The following NEGR1 variants were observed in gnomAD, a reference collection of about 807,000 sequenced individuals.
The protein encoded by NEGR1 is neuronal growth regulator 1, also known as IgLON family member 4.
In NEGR1, 10 loss-of-function variants were observed where a neutral mutation model predicts 40.9. The ratio of observed to expected loss-of-function variants is 0.24; its 90% CI spans 0.15 to 0.42. The LOEUF is 0.42. Among genes scored for constraint, NEGR1 ranks in the 10% least tolerant of loss-of-function variants. The pLI is 1.00. For missense variants in NEGR1, 352 were observed against 438.9 expected, an observed-to-expected ratio of 0.80 and a Z score of 1.77; for synonymous variants, 185 against 166.8, an observed-to-expected ratio of 1.11 and a Z score of -0.84.
intron 1 of NEGR1, among the ~76,000 whole-genome samples, chr1:72,056,340 A>C (rs186118693): frequency 0.01 from 1,547 of 151,280 alleles, 13 homozygotes; most frequent in Non-Finnish European, 0.017. Context: ...TATTTATTGC[A>C]TTTTTTTCTG....
rs1245042128 is a variant in NEGR1 at position 71,406,718 on chromosome 1, A to G, written c.*728T>C. 2 of 152,478 alleles carry G rather than the reference A, an allele frequency of 1.3e-5. No homozygotes were observed. The highest frequency in any genetic ancestry group is 2.9e-5 in the Non-Finnish European group (2 of 67,972). The allele number at this position is 152,478 out of a possible 1,614,324, so 9.4% of individuals were successfully genotyped here. A position where few individuals can be genotyped will look rare whatever the true frequency, so the allele number is the denominator to read the frequency against. On this transcript the variant is annotated 3_prime_UTR_variant, in exon 7 of 7. Transcript: ENST00000357731. ...GTCCAATAGCTCCTTCGTTACTTAG[A>G]GATAGTGTATGGTTTAACTTGATCA...
At chr1:71,654,415 A>G (rs1651815928) in intron 4 of NEGR1, among the ~76,000 whole-genome samples, 1 of 152,124 alleles carries the variant, frequency 6.6e-6, no homozygotes, top group Non-Finnish European at 1.5e-5. Flanking sequence ...ATAATACCGA[A>G]AGCTAGGGGT....
intron 3 of NEGR1, among the ~76,000 whole-genome samples, chr1:71,744,938 A>G (rs887007450): frequency 6.6e-6 from 1 of 152,194 alleles, no homozygotes; most frequent in Non-Finnish European, 1.5e-5. Context: ...GAAGAAAACT[A>G]TACTGCACTT....
intron 6 of NEGR1, among the ~76,000 whole-genome samples, chr1:71,538,058 G>T (rs1647566873): frequency 6.6e-6 from 1 of 151,694 alleles, no homozygotes; most frequent in South Asian, 2.1e-4. Flanking sequence ...GAGGTGAAGA[G>T]AAGTTCACCA....
At chr1:71,995,559 G>A (rs1208351537) in intron 1 of NEGR1, among the ~76,000 whole-genome samples, 1 of 152,098 alleles carries the variant, frequency 6.6e-6, no homozygotes, top group Non-Finnish European at 1.5e-5. Flanking sequence ...CATCTTCACT[G>A]TACTTAAGGA....
intron 4 of NEGR1, among the ~76,000 whole-genome samples, chr1:71,640,054 C>T (rs1216960431): frequency 6.6e-6 from 1 of 151,946 alleles, no homozygotes; most frequent in Non-Finnish European, 1.5e-5. Context: ...TTTTCCTTGC[C>T]ACAATTATGA....
intron 1 of NEGR1, among the ~76,000 whole-genome samples, chr1:72,041,956 T>C (rs908060508): frequency 3.7e-5 from 5 of 134,996 alleles, no homozygotes; most frequent in African/African-American, 1.1e-4. Context: ...GTCTCAAATA[T>C]ATATTATATA....
chr1:71,615,406 C>G (rs1259244078), intron 4 of NEGR1, among the ~76,000 whole-genome samples: 1 of 152,068 alleles, frequency 6.6e-6, no homozygotes. Flanking sequence ...ATGTTGCAGT[C>G]TCAGAGATCC....
At chr1:72,277,245 A>T (rs1020400695) in intron 1 of NEGR1, among the ~76,000 whole-genome samples, 2 of 152,006 alleles carry the variant, frequency 1.3e-5, no homozygotes, top group African/African-American at 4.8e-5. Context: ...CTCCACCCCC[A>T]TAACACAGAA....
At chr1:72,013,988 AGG>A (rs71735039) in intron 1 of NEGR1, among the ~76,000 whole-genome samples, 9,415 of 121,324 alleles carry the variant, frequency 0.078, 594 homozygotes, top group African/African-American at 0.19. Context: ...AAAAAAAAAA[AGG>A]AGGTTGGGGG....
intron 4 of NEGR1, among the ~76,000 whole-genome samples, chr1:71,686,827 C>T (rs192308357): frequency 1.2e-4 from 19 of 152,306 alleles, no homozygotes; most frequent in Non-Finnish European, 2.4e-4. Flanking sequence ...TGAGAGACTG[C>T]ATCCTCAAGT....
At chr1:71,675,854 T>G (rs1418095937) in intron 4 of NEGR1, among the ~76,000 whole-genome samples, 3 of 151,914 alleles carry the variant, frequency 2.0e-5, no homozygotes. Flanking sequence ...CAGGCTGGAA[T>G]GCAGTGTTGT....
intron 1 of NEGR1, among the ~76,000 whole-genome samples, chr1:72,114,131 T>G (rs1054788602): frequency 2.0e-5 from 3 of 151,884 alleles, no homozygotes; most frequent in Middle Eastern, 3.4e-3. Context: ...ACCTGTATAT[T>G]TGGTCAAACG....
At chr1:71,714,253 C>G (rs1654200609) in intron 3 of NEGR1, among the ~76,000 whole-genome samples, 1 of 152,090 alleles carries the variant, frequency 6.6e-6, no homozygotes, top group Admixed American at 6.5e-5. Flanking sequence ...GAAAACCATC[C>G]CCATGATTCA....
intron 1 of NEGR1, among the ~76,000 whole-genome samples, chr1:71,988,543 C>T (rs1288227218): frequency 2.5e-5 from 1 of 39,996 alleles, no homozygotes; most frequent in African/African-American, 1.2e-4. Flanking sequence ...GAGACTCCGT[C>T]TCAAAAAAAA....
chr1:71,555,855 C>T (rs1192417473), intron 6 of NEGR1, among the ~76,000 whole-genome samples: 1 of 151,526 alleles, frequency 6.6e-6, no homozygotes, highest in Non-Finnish European at 1.5e-5. Context: ...CCACTGGTCC[C>T]CAACTTGTTA....
At chr1:72,257,166 C>CA in intron 1 of NEGR1, among the ~76,000 whole-genome samples, 1 of 151,696 alleles carries the variant, frequency 6.6e-6, no homozygotes, top group South Asian at 2.1e-4. Flanking sequence ...ACTAAAAATA[C>CA]AAAATATTAG....
intron 1 of NEGR1, among the ~76,000 whole-genome samples, chr1:72,125,201 A>G (rs1649964673): frequency 6.6e-6 from 1 of 152,126 alleles, no homozygotes; most frequent in Non-Finnish European, 1.5e-5. Flanking sequence ...TAAGAAAAAT[A>G]CACAAATATT....
chr1:71,632,804 T>C (rs1193650482), intron 4 of NEGR1, among the ~76,000 whole-genome samples: 1 of 151,960 alleles, frequency 6.6e-6, no homozygotes, highest in African/African-American at 2.4e-5. Flanking sequence ...ACTGAACAGA[T>C]GAATGAATTA....
Sources: allele counts gnomAD v4.1 joint callset (sites outside exome capture counted in the v4.1 genomes callset), GRCh38; gene constraint gnomAD v4.1.1; transcripts MANE v1.5; gene names NCBI Gene and HGNC (gene_info 2026-07-23, HGNC 2026-07-21).